Variants in TECPR2 observed in about 807,000 individuals in gnomAD.
TECPR2 encodes the protein tectonin beta-propeller repeat containing 2.
TECPR2 carries 65 observed loss-of-function variants against 138.1 expected under a neutral mutation model. That is an observed-to-expected ratio of 0.47 (90% CI 0.39 to 0.58). TECPR2 has a LOEUF of 0.58. Among genes scored for constraint, TECPR2 ranks in the 20% least tolerant of loss-of-function variants. The probability of loss-of-function intolerance (pLI) is 0.00; values close to 1 mark genes in which losing one functional copy is unlikely to be tolerated. For missense variants in TECPR2, 1,553 were observed against 1,824.5 expected, an observed-to-expected ratio of 0.85 and a Z score of 2.71; for synonymous variants, 746 against 749.8, an observed-to-expected ratio of 0.99 and a Z score of 0.08.
At chr14:102,472,292 A>G (rs1890668589) in intron 17 of TECPR2, among the ~76,000 whole-genome samples, 1 of 152,228 alleles carries the variant, frequency 6.6e-6, no homozygotes, top group Non-Finnish European at 1.5e-5. Context: ...TGCAACCACA[A>G]TTTCCTGTTC....
At chr14:102,467,417 C>A (rs10133090) in intron 17 of TECPR2, among the ~76,000 whole-genome samples, 1 of 151,146 alleles carries the variant, frequency 6.6e-6, no homozygotes, top group Non-Finnish European at 1.5e-5. Context: ...CTCCGCCTAC[C>A]GGGTTCAAGC....
chr14:102,424,934 G>A (rs1889274528), intron 5 of TECPR2, 45 bp from the exon 6 acceptor site: 2 of 1,558,008 alleles, frequency 1.3e-6, no homozygotes, highest in Non-Finnish European at 1.7e-6. Flanking sequence ...CTTTAAATCA[G>A]TCCATGTCTG....
intron 1 of TECPR2, among the ~76,000 whole-genome samples, chr14:102,365,029 A>G (rs1170777625): frequency 6.6e-6 from 1 of 152,204 alleles, no homozygotes; most frequent in African/African-American, 2.4e-5. Context: ...TTTAAAATGA[A>G]TGTATTCTTT....
chr14:102,482,926 C>T (rs1389796664), intron 17 of TECPR2, among the ~76,000 whole-genome samples: 2 of 146,648 alleles, frequency 1.4e-5, no homozygotes, highest in Non-Finnish European at 3.0e-5. Flanking sequence ...TCACTGCAAG[C>T]TCTGCCTCCC....
intron 11 of TECPR2, 137 bp downstream of exon 11, chr14:102,440,746 AAG>A: frequency 2.6e-6 from 3 of 1,175,236 alleles, no homozygotes; most frequent in Non-Finnish European, 3.5e-6. Flanking sequence ...CACTTCTGGG[AAG>A]AGAGTATTTG....
chr14:102,464,884 C>T (rs1226936089), intron 16 of TECPR2, among the ~76,000 whole-genome samples: 2 of 152,156 alleles, frequency 1.3e-5, no homozygotes, highest in Middle Eastern at 3.4e-3. Context: ...GAAGGGGTGC[C>T]GTGTGGCGCC....
intron 2 of TECPR2, among the ~76,000 whole-genome samples, chr14:102,403,730 A>G (rs536536269): frequency 2.0e-5 from 3 of 152,358 alleles, no homozygotes; most frequent in East Asian, 3.9e-4. Flanking sequence ...AACACCAACA[A>G]TGAATAATAT....
chr14:102,468,578 A>C (rs1406131191), intron 17 of TECPR2, among the ~76,000 whole-genome samples: 1 of 152,082 alleles, frequency 6.6e-6, no homozygotes, highest in Non-Finnish European at 1.5e-5. Flanking sequence ...CATTCTGTGC[A>C]TTGTCTTTTA....
At position 102,440,449 on chromosome 14, in the gene TECPR2, G is replaced by A; in HGVS notation, c.2592G>A (p.Trp864Ter). The A allele has an allele frequency of 6.2e-7, 1 of 1,614,162 alleles. No homozygotes were observed. Among genetic ancestry groups the A allele is most frequent in the Non-Finnish European group, 8.5e-7 (1 of 1,180,022 alleles). ...TTATTTCCATAGGAGCCCTTCTCTGGAAGATTGAACAGAAATCTAACCGGG... is the reference window on the plus strand; with the variant it reads ...TTATTTCCATAGGAGCCCTTCTCTGAAAGATTGAACAGAAATCTAACCGGG... ...VAVSPSGALL[W>*]KIEQKSNRAF... Residue 864 changes from tryptophan to a stop codon, truncating the protein, a stop_gained, in exon 11 of 20, where the codon TGG (tryptophan) becomes TGA (stop). Coordinates refer to ENST00000359520, the MANE Select transcript of TECPR2 (RefSeq NM_014844.5). LOFTEE classifies it high-confidence loss of function.
intron 18 of TECPR2, 126 bp downstream of exon 18, chr14:102,497,246 G>A (rs1453180895): frequency 1.6e-5 from 22 of 1,400,674 alleles, no homozygotes; most frequent in East Asian, 2.5e-5. Context: ...TGCTGTCGCC[G>A]CTGCTTCCTG....
chr14:102,498,156 C>T lies in TECPR2; in HGVS notation c.4135C>T (p.Arg1379Trp), dbSNP rs748297908. Residue 1379 changes from arginine to tryptophan, a missense_variant, in exon 20 of 20, where the codon CGG (arginine) becomes TGG (tryptophan). Arg to Trp is a moderately radical substitution (Grantham distance 101, BLOSUM62 -3). Transcript: ENST00000359520. ...GGGCCCGCCCGGCTACCTCCTCCAA[C>T]GGCTGACAAAGACGTTCAGCCACTC... is the stretch of plus-strand genomic sequence containing the variant. ...AVGPPGYLLQ[R>W]LTKTFSHSHG... 32 of 1,612,984 alleles carry T rather than the reference C, an allele frequency of 2.0e-5. No individual in the cohort carries two copies. Among genetic ancestry groups the T allele is most frequent in the Admixed American group, 1.7e-5 (1 of 59,976 alleles).
At chr14:102,424,642 A>G (rs1327201893) in intron 5 of TECPR2, among the ~76,000 whole-genome samples, 2 of 152,174 alleles carry the variant, frequency 1.3e-5, no homozygotes, top group Non-Finnish European at 2.9e-5. Context: ...ATACAATGTT[A>G]TGTGATGCGT....
In TECPR2 at chr14:102,432,098, G is replaced by A; in HGVS notation, c.1387G>A (p.Val463Met). ...GGAGCTTGTCGTGAAGCCTATCAAA[G>A]TGAAAAGGAAGAAGAAGAAGAAGAA... ...DQELVVKPIK[V>M]KRKKKKKKTE... The change falls in exon 8 of 20, where the codon GTG becomes ATG. Residue 463 changes from valine (V) to methionine (M), a missense_variant. By Grantham distance (21) the Val-to-Met change is conservative (BLOSUM62 1). Coordinates refer to ENST00000359520, the MANE Select transcript of TECPR2 (RefSeq NM_014844.5). The A allele has an allele frequency of 1.3e-6, 2 of 1,599,754 alleles. No individual in the cohort carries two copies. Among genetic ancestry groups the A allele is most frequent in the Non-Finnish European group, 1.7e-6 (2 of 1,171,292 alleles).
chr14:102,443,705 G>A lies in TECPR2; in HGVS notation c.2811G>A (p.Leu937=). 6.2e-7 allele frequency: 1 copy of A among 1,612,570 alleles called. No homozygotes were observed. Among genetic ancestry groups the A allele is most frequent in the Non-Finnish European group, 8.5e-7 (1 of 1,178,906 alleles). Residue 937 remains leucine, a synonymous_variant, in exon 12 of 20, where the codon CTG becomes CTA. Coordinates refer to ENST00000359520, the MANE Select transcript of TECPR2 (RefSeq NM_014844.5). This position sits in a 1 kb window ranked among gnomAD's most constrained non-coding sequence, Gnocchi z 4.9. ...RAVKVDCPYP[L]SQITARNNVV... is the part of the protein sequence containing the mutation. ...TAAAGGTGGACTGTCCCTACCCGCT[G>A]TCCCAGATCACAGCCCGGAACAATG...
chr14:102,471,588 G>C (rs535316652), intron 17 of TECPR2, among the ~76,000 whole-genome samples: 2 of 151,680 alleles, frequency 1.3e-5, no homozygotes, highest in Non-Finnish European at 2.9e-5. Context: ...TGTAGTCCCA[G>C]CTACTCAGAA....
intron 2 of TECPR2, among the ~76,000 whole-genome samples, chr14:102,379,702 A>G (rs1597769263): frequency 7.1e-6 from 1 of 140,156 alleles, no homozygotes; most frequent in East Asian, 2.1e-4. Context: ...GCTGAAGATC[A>G]CCATCTTAAA....
chr14:102,388,566 C>T (rs1268292544), intron 2 of TECPR2, among the ~76,000 whole-genome samples: 6 of 151,970 alleles, frequency 3.9e-5, no homozygotes, highest in African/African-American at 1.2e-4. Flanking sequence ...CAGTGGCTCA[C>T]GCCTGTTAAC....
At chr14:102,392,252 C>G (rs1035529415) in intron 2 of TECPR2, among the ~76,000 whole-genome samples, 1 of 152,222 alleles carries the variant, frequency 6.6e-6, no homozygotes, top group Non-Finnish European at 1.5e-5. Flanking sequence ...CTCAGCCTCC[C>G]AAAGTGCTGG....
At chr14:102,426,752 G>A (rs532515403) in intron 6 of TECPR2, among the ~76,000 whole-genome samples, 2 of 152,262 alleles carry the variant, frequency 1.3e-5, no homozygotes, top group South Asian at 2.1e-4. Context: ...CTGGCTACTC[G>A]GGAGGCTGAG....
Sources: allele counts gnomAD v4.1 joint callset (sites outside exome capture counted in the v4.1 genomes callset), GRCh38; gene constraint gnomAD v4.1.1; non-coding constraint Gnocchi (gnomAD v3.1); transcripts MANE v1.5; gene names NCBI Gene and HGNC (gene_info 2026-07-23, HGNC 2026-07-21).